Variants in IL1RAPL2 observed in about 807,000 individuals in gnomAD.
The protein encoded by IL1RAPL2 is interleukin 1 receptor accessory protein like 2.
A neutral mutation model predicts 44.1 loss-of-function variants in IL1RAPL2; 3 were observed. The observed-to-expected ratio is 0.07, with a 90% confidence interval of 0.03 to 0.18. The LOEUF (loss-of-function observed/expected upper bound fraction) is 0.18, where lower values mean the gene tolerates loss of function less well. Among genes scored for constraint, IL1RAPL2 ranks in the 10% least tolerant of loss-of-function variants. The pLI, the probability that IL1RAPL2 is intolerant of heterozygous loss-of-function variation, is 1.00. For synonymous variants in IL1RAPL2, 181 were observed against 178.8 expected, an observed-to-expected ratio of 1.01 and a Z score of -0.10; for missense variants, 391 against 496.4, an observed-to-expected ratio of 0.79 and a Z score of 2.02.
At chrX:105,472,317 A>G (rs911944140) in intron 5 of IL1RAPL2, among the ~76,000 whole-genome samples, 3 of 111,804 alleles carry the variant, frequency 2.7e-5, no homozygotes, top group Non-Finnish European at 5.7e-5. Flanking sequence ...TGCTTATTCT[A>G]TCAGAGAAAA....
chrX:104,995,195 T>A (rs1418968709), intron 2 of IL1RAPL2, among the ~76,000 whole-genome samples: 2 of 111,746 alleles, frequency 1.8e-5, no homozygotes, highest in Non-Finnish European at 3.8e-5. Context: ...TGTTTCTAGT[T>A]ACTCTTTGTT....
At chrX:105,453,366 T>A (rs2036032776) in intron 5 of IL1RAPL2, among the ~76,000 whole-genome samples, 2 of 112,305 alleles carry the variant, frequency 1.8e-5, no homozygotes, top group African/African-American at 6.5e-5. Context: ...ACATTTAGGA[T>A]TCCAAAATAA....
chrX:105,032,544 G>C (rs1005592427), intron 2 of IL1RAPL2, among the ~76,000 whole-genome samples: 1 of 111,871 alleles, frequency 8.9e-6, no homozygotes, highest in African/African-American at 3.3e-5. Flanking sequence ...TTTTGAGTAA[G>C]TTTCTTAATC....
At chrX:104,843,107 A>T (rs886785398) in intron 2 of IL1RAPL2, among the ~76,000 whole-genome samples, 17 of 111,987 alleles carry the variant, frequency 1.5e-4, no homozygotes, top group African/African-American at 5.2e-4. Flanking sequence ...TGCCCTGCCC[A>T]GTGAGGAGGA....
At chrX:105,107,473 C>T (rs2032755343) in intron 2 of IL1RAPL2, among the ~76,000 whole-genome samples, 1 of 112,355 alleles carries the variant, frequency 8.9e-6, no homozygotes. Context: ...CAGTATAAGA[C>T]ACAAGACACT....
intron 2 of IL1RAPL2, among the ~76,000 whole-genome samples, chrX:104,890,297 C>A (rs1923387362): frequency 8.9e-6 from 1 of 111,798 alleles, no homozygotes; most frequent in Non-Finnish European, 1.9e-5. Flanking sequence ...ATTTATAGTC[C>A]TTTGGGTATA....
In IL1RAPL2 at chrX:105,283,070, A is replaced by G. The variant is rs771551717; in HGVS notation, c.697+15529A>G. 4.5e-5 allele frequency among the ~76,000 whole-genome samples: 5 copies of G among 111,518 alleles called. No individual in the cohort carries two copies. The East Asian group carries it at 1.1e-3, about 25-fold the overall frequency. On this transcript the variant is annotated intron_variant, in intron 5 of 10. Coordinates refer to ENST00000372582, the MANE Select transcript of IL1RAPL2 (RefSeq NM_017416.2). Reference sequence around the variant, plus strand: ...AGGACATTTTGGGACAAGTGAAAAAATATCTAATGAAGTGGAAACCGTTAT... The same window carrying G: ...AGGACATTTTGGGACAAGTGAAAAAGTATCTAATGAAGTGGAAACCGTTAT...
intron 1 of IL1RAPL2, among the ~76,000 whole-genome samples, chrX:104,641,391 G>A (rs985932045): frequency 8.9e-6 from 1 of 111,797 alleles, no homozygotes; most frequent in Non-Finnish European, 1.9e-5. Flanking sequence ...ACCACCTGTG[G>A]TGAGTAGAGG....
In IL1RAPL2 at chrX:105,066,651, G is replaced by A. The variant is rs569559512; in HGVS notation, c.83-128824G>A. Among the ~76,000 whole-genome samples, 25 of 111,572 alleles carry A rather than the reference G, an allele frequency of 2.2e-4. 1 individual carries two copies. The East Asian group carries it at 4.2e-3, about 19-fold the overall frequency. ...CTCAAATAATCAATGCTTTGATGGT[G>A]GGTAGTCTTCCCTTTGTTATCATGC... On this transcript the variant is annotated intron_variant, in intron 2 of 10. Coordinates refer to ENST00000372582, the MANE Select transcript of IL1RAPL2 (RefSeq NM_017416.2).
intron 5 of IL1RAPL2, among the ~76,000 whole-genome samples, chrX:105,463,833 C>T (rs1055108790): frequency 8.9e-6 from 1 of 112,382 alleles, no homozygotes. Flanking sequence ...TGTCCTCCCA[C>T]TTTGGTTTTG....
At chrX:104,582,523 TTTCTTTCC>T (rs1033273773) in intron 1 of IL1RAPL2, among the ~76,000 whole-genome samples, 2 of 110,133 alleles carry the variant, frequency 1.8e-5, no homozygotes, top group Admixed American at 9.7e-5. Context: ...TTTCTTTCTT[TTTCTTTCC>T]TTCTTTCCTT....
chrX:104,692,445 C>T lies in IL1RAPL2; in HGVS notation c.82+33450C>T, dbSNP rs765239214. ...ATACATGTGCCATGTTGGTGTGCTG[C>T]ACCCATTAACTCGTCATTTAGCATT... On this transcript the variant is annotated intron_variant, in intron 2 of 10. Coordinates refer to ENST00000372582, the MANE Select transcript of IL1RAPL2 (RefSeq NM_017416.2). Among the ~76,000 whole-genome samples, 4 of 109,582 alleles carry T rather than the reference C, an allele frequency of 3.7e-5. No individual in the cohort carries two copies. In the Admixed American group the frequency reaches 3.9e-4, roughly 11 times the overall value.
intron 2 of IL1RAPL2, among the ~76,000 whole-genome samples, chrX:105,121,762 T>C (rs1042224652): frequency 2.7e-5 from 3 of 111,454 alleles, no homozygotes; most frequent in African/African-American, 9.8e-5. Context: ...ATTCTTGTTA[T>C]TCGATCAAAG....
chrX:105,321,207 G>A (rs1379415587), intron 5 of IL1RAPL2, among the ~76,000 whole-genome samples: 2 of 111,377 alleles, frequency 1.8e-5, no homozygotes, highest in East Asian at 5.7e-4. Flanking sequence ...AGCACCCTTG[G>A]TGATCCTCAT....
chrX:104,883,589 A>C (rs1160174581), intron 2 of IL1RAPL2, among the ~76,000 whole-genome samples: 8 of 111,228 alleles, frequency 7.2e-5, no homozygotes, highest in Non-Finnish European at 3.8e-5. Context: ...TGCCAGACAA[A>C]CTTCCTCTTG....
chrX:105,168,439 G>A (rs2033390948), intron 2 of IL1RAPL2, among the ~76,000 whole-genome samples: 1 of 107,179 alleles, frequency 9.3e-6, no homozygotes, highest in African/African-American at 3.4e-5. Flanking sequence ...GTGTGTGTGT[G>A]TGTGTGTGTG....
chrX:105,231,202 A>G (rs1163776467), intron 3 of IL1RAPL2, among the ~76,000 whole-genome samples: 3 of 112,302 alleles, frequency 2.7e-5, no homozygotes, highest in Admixed American at 1.9e-4. Context: ...TACTTTTTAA[A>G]TAACTGTGAC....
chrX:105,051,277 G>A (rs939154540), intron 2 of IL1RAPL2, among the ~76,000 whole-genome samples: 1 of 92,548 alleles, frequency 1.1e-5, no homozygotes, highest in Admixed American at 1.2e-4. Flanking sequence ...GACACCCCGA[G>A]CCTGCAGGGA....
intron 5 of IL1RAPL2, among the ~76,000 whole-genome samples, chrX:105,314,227 C>T (rs1455055771): frequency 1.8e-5 from 2 of 110,457 alleles, no homozygotes; most frequent in East Asian, 5.7e-4. Context: ...TCTTAAACCA[C>T]TGTCTCCTTT....
Sources: gnomAD v4.1 joint callset for allele counts (sites outside exome capture counted in the v4.1 genomes callset) on GRCh38, gnomAD v4.1.1 for gene constraint, MANE v1.5 for transcripts, NCBI Gene and HGNC (gene_info 2026-07-23, HGNC 2026-07-21) for gene names.